WDR72: variants seen among roughly 807,000 people sequenced by gnomAD.
WDR72 encodes WD repeat-containing protein 72.
WDR72 carries 120 observed loss-of-function variants against 124.2 expected under a neutral mutation model. The observed-to-expected ratio is 0.97, with a 90% CI of 0.83 to 1.12. The LOEUF (loss-of-function observed/expected upper bound fraction) is 1.12. WDR72 is among the 50% of genes most tolerant of loss of function. The pLI is 0.00. For missense variants in WDR72, 1,387 were observed against 1,278.8 expected (o/e 1.08, Z -1.29); for synonymous variants, 452 against 441.7 (o/e 1.02, Z -0.29).
Position 53,705,052 on chromosome 15 carries a change from A to C in WDR72, c.1284T>G (p.Ile428Met), listed in dbSNP as rs1262091583. ...KLICGCEDGT[I>M]IITQALNAAK... ...CAGCATTCAAAGCCTGGGTAATGAT[A>C]ATTGTCCCATCTTCACAGCCACATA... Residue 428 changes from isoleucine to methionine, a missense_variant, in exon 11 of 20, where the codon ATT becomes ATG. By Grantham distance (10) the Ile-to-Met change is conservative. Coordinates refer to ENST00000360509, the MANE Select transcript of WDR72 (RefSeq NM_182758.4). 2 of 1,613,960 alleles carry C rather than the reference A, an allele frequency of 1.2e-6. No homozygotes were observed. Among genetic ancestry groups the C allele is most frequent in the African/African-American group, 1.3e-5 (1 of 74,912 alleles).
upstream of WDR72, among the ~76,000 whole-genome samples, chr15:53,762,085 G>A (rs74015929): frequency 0.048 from 7,338 of 151,856 alleles, 612 homozygotes; most frequent in African/African-American, 0.17. Flanking sequence ...CCTTAGTCTT[G>A]GATTCTAATA....
At chr15:53,725,201 A>T (rs2140584974) in intron 2 of WDR72, among the ~76,000 whole-genome samples, 1 of 152,246 alleles carries the variant, frequency 6.6e-6, no homozygotes, top group Middle Eastern at 3.4e-3. Flanking sequence ...AACATATAAA[A>T]AGGTGCTCCA....
At chr15:53,735,391 T>A (rs929700007) in intron 1 of WDR72, among the ~76,000 whole-genome samples, 2 of 152,108 alleles carry the variant, frequency 1.3e-5, no homozygotes, top group African/African-American at 4.8e-5. Context: ...CAGAAATAGG[T>A]CAGTGATTGC....
intron 16 of WDR72, among the ~76,000 whole-genome samples, chr15:53,611,406 G>T (rs1463278346): frequency 1.3e-5 from 2 of 151,952 alleles, no homozygotes; most frequent in African/African-American, 4.8e-5. Context: ...CTTGATTCTG[G>T]TTAGCAATCC....
At chr15:53,720,200 T>C (rs1380895332) in intron 3 of WDR72, among the ~76,000 whole-genome samples, 1 of 152,216 alleles carries the variant, frequency 6.6e-6, no homozygotes, top group Non-Finnish European at 1.5e-5. Context: ...ATTGTTTCTG[T>C]AGCTACTAAA....
chr15:53,709,214 G>T (rs1322941082), intron 9 of WDR72, among the ~76,000 whole-genome samples: 1 of 152,150 alleles, frequency 6.6e-6, no homozygotes, highest in Non-Finnish European at 1.5e-5. Context: ...TTTGAATAAG[G>T]GGAAGAAAGT....
chr15:53,609,614 T>C (rs1595791353), intron 16 of WDR72, 22 bp from the exon 17 acceptor site: 1 of 1,589,906 alleles, frequency 6.3e-7, no homozygotes, highest in East Asian at 2.2e-5. Flanking sequence ...CAGAACACAC[T>C]TGTATCTTTA....
At chr15:53,628,095 T>C (rs779247484) in intron 14 of WDR72, among the ~76,000 whole-genome samples, 6 of 152,166 alleles carry the variant, frequency 3.9e-5, no homozygotes, top group Non-Finnish European at 8.8e-5. Context: ...TCACATTAAT[T>C]ACATATTTTA....
chr15:53,526,694 A>C (rs976978680), intron 18 of WDR72, among the ~76,000 whole-genome samples: 49 of 152,034 alleles, frequency 3.2e-4, no homozygotes, highest in African/African-American at 1.1e-3. Flanking sequence ...GTAGCTCATC[A>C]CTAAAGTTCT....
chr15:53,598,486 A>T (rs1304900881), intron 17 of WDR72, among the ~76,000 whole-genome samples: 1 of 152,098 alleles, frequency 6.6e-6, no homozygotes, highest in East Asian at 1.9e-4. Context: ...AACAAATTAC[A>T]TTCAGTCTCT....
intron 14 of WDR72, among the ~76,000 whole-genome samples, chr15:53,631,742 A>G (rs2014437560): frequency 6.6e-6 from 1 of 152,144 alleles, no homozygotes. Flanking sequence ...GGGTGGCTGT[A>G]TTGTGGGTTT....
At chr15:53,720,797 T>C (rs2017856539) in intron 3 of WDR72, among the ~76,000 whole-genome samples, 1 of 152,224 alleles carries the variant, frequency 6.6e-6, no homozygotes, top group Admixed American at 6.5e-5. Flanking sequence ...CAGTGGTTTA[T>C]TTTCATTATC....
intron 14 of WDR72, among the ~76,000 whole-genome samples, chr15:53,617,908 G>A (rs1342323742): frequency 1.3e-5 from 2 of 151,926 alleles, no homozygotes; most frequent in African/African-American, 2.4e-5. Flanking sequence ...GCTACCTTTT[G>A]AGGACTGGGA....
At chr15:53,671,853 T>C (rs1049995454) in intron 13 of WDR72, among the ~76,000 whole-genome samples, 7 of 151,180 alleles carry the variant, frequency 4.6e-5, no homozygotes, top group Admixed American at 1.3e-4. Context: ...GAACAGAAGA[T>C]GCTAGTCTAA....
chr15:53,583,968 CAGAG>C (rs3081219), intron 18 of WDR72, among the ~76,000 whole-genome samples: 4 of 151,780 alleles, frequency 2.6e-5, no homozygotes, highest in Non-Finnish European at 5.9e-5. Flanking sequence ...TTTTAAATGA[CAGAG>C]AGATAATATA....
chr15:53,735,477 C>T (rs1338637822), intron 1 of WDR72, among the ~76,000 whole-genome samples: 1 of 152,056 alleles, frequency 6.6e-6, no homozygotes, highest in Non-Finnish European at 1.5e-5. Context: ...TAGATAAGTT[C>T]ATTATTTTAA....
At chr15:53,654,226 G>A (rs2015338149) in intron 14 of WDR72, among the ~76,000 whole-genome samples, 1 of 152,016 alleles carries the variant, frequency 6.6e-6, no homozygotes. Context: ...ACCACAAGAG[G>A]GCTGCAAAAG....
intron 13 of WDR72, among the ~76,000 whole-genome samples, chr15:53,696,791 G>A (rs1212493537): frequency 6.6e-6 from 1 of 152,098 alleles, no homozygotes; most frequent in African/African-American, 2.4e-5. Flanking sequence ...ACAGATTAAA[G>A]GCAAAACACA....
At chr15:53,594,598 G>T (rs2012673935) in intron 18 of WDR72, among the ~76,000 whole-genome samples, 1 of 148,170 alleles carries the variant, frequency 6.7e-6, no homozygotes. Context: ...GCAACATGTT[G>T]ACATCCCATC....
Sources: gnomAD v4.1 joint callset for allele counts (sites outside exome capture counted in the v4.1 genomes callset) on GRCh38, gnomAD v4.1.1 for gene constraint, MANE v1.5 for transcripts, NCBI Gene and HGNC (gene_info 2026-07-23, HGNC 2026-07-21) for gene names.